GOSR2: variants seen among roughly 807,000 people sequenced by gnomAD.
GOSR2 encodes 27 kDa Golgi SNARE protein.
Under a neutral mutation model 27.9 loss-of-function variants are expected in GOSR2, and 20 were observed. The ratio of observed to expected loss-of-function variants is 0.72; its 90% confidence interval spans 0.50 to 1.04. The LOEUF (loss-of-function observed/expected upper bound fraction) is 1.04. Ranked by LOEUF, GOSR2 falls within the 50% of genes least tolerant of loss-of-function variation. GOSR2 has a pLI of 0.00. For synonymous variants in GOSR2, 91 were observed against 98.8 expected (o/e 0.92, Z 0.47); for missense variants, 261 against 270.5 (o/e 0.97, Z 0.25).
At position 46,939,663 on chromosome 17, in the gene GOSR2, C is replaced by T. The variant is rs912456841; in HGVS notation, c.*903C>T. On this transcript the variant is annotated 3_prime_UTR_variant, in exon 6 of 6. Coordinates refer to ENST00000640051, the MANE Select transcript of GOSR2 (RefSeq NM_004287.5). ...CCTTCTCTTCCCTGAAATATATTAG[C>T]ACCTGCCAGCCAGGCCCTCATTTTG... 8.1e-6 allele frequency: 8 copies of T among 985,498 alleles called. No individual in the cohort carries two copies. Among genetic ancestry groups the T allele is most frequent in the Admixed American group, 6.1e-5 (1 of 16,296 alleles). 61.0% of individuals were successfully genotyped at this position (985,498 alleles called of 1,614,324 possible).
rs929244962 is a variant in GOSR2 at position 46,939,147 on chromosome 17, C to T, written c.*387C>T. 89 of 1,116,808 alleles carry T rather than the reference C, an allele frequency of 8.0e-5. No individual in the cohort carries two copies. In the Admixed American group the frequency reaches 1.9e-3, roughly 24 times the overall value. The allele number at this position is 1,116,808 out of a possible 1,614,324, so 69.2% of individuals were successfully genotyped here. On this transcript the variant is annotated 3_prime_UTR_variant, in exon 6 of 6. Transcript: ENST00000640051. The stretch of plus-strand genomic sequence containing the variant: ...GGTTCACACCTTGTCACCATCAGGC[C>T]TTTCTGGCTCCTGATAGGGTGGAGC...
At chr17:46,956,699 G>A (rs2090739195) in intron 6 of GOSR2, among the ~76,000 whole-genome samples, 2 of 152,290 alleles carry the variant, frequency 1.3e-5, no homozygotes, top group South Asian at 4.1e-4. Context: ...CGCTGAGGGG[G>A]CGGCCATGTG....
intron 6 of GOSR2, among the ~76,000 whole-genome samples, chr17:46,947,770 G>GT (rs908590717): frequency 4.8e-4 from 73 of 151,666 alleles, no homozygotes; most frequent in Non-Finnish European, 4.7e-4. Context: ...ACTAGAAATA[G>GT]TTTTTTTTTC....
In GOSR2 at chr17:46,940,649, C is replaced by G; in HGVS notation, c.*1889C>G. The G allele has an allele frequency of 6.2e-7, 1 of 1,613,184 alleles. No individual in the cohort carries two copies. The highest frequency in any genetic ancestry group is 1.1e-5 in the South Asian group (1 of 91,066). On this transcript the variant is annotated 3_prime_UTR_variant, in exon 6 of 6. Coordinates refer to ENST00000640051, the MANE Select transcript of GOSR2 (RefSeq NM_004287.5). ...CTTGAACTCTGGGAGGCAGAAGTCC[C>G]CGCACCCATCATGCGTGGACTGATA...
intron 6 of GOSR2, among the ~76,000 whole-genome samples, chr17:46,950,671 A>T (rs62075889): frequency 0.44 from 66,370 of 151,890 alleles, 14,968 homozygotes; most frequent in East Asian, 0.55. Flanking sequence ...GGGCTGCCCC[A>T]CCATCCTGCC....
rs2088079257 is a variant in GOSR2 at position 46,935,120 on chromosome 17, A to T, written c.428A>T (p.Asp143Val). The T allele has an allele frequency of 6.2e-7, 1 of 1,614,018 alleles. No homozygotes were observed. The highest frequency in any genetic ancestry group is 8.5e-7 in the Non-Finnish European group (1 of 1,179,834). ...VHNGMDDLILDGHNILDGLRT... is the reference protein window; with the variant it reads ...VHNGMDDLILVGHNILDGLRT... Reference sequence around the variant, plus strand: ...AACGGCATGGATGACCTCATTTTAGATGGGCACAATATTTTAGATGGACTG... The same window carrying T: ...AACGGCATGGATGACCTCATTTTAGTTGGGCACAATATTTTAGATGGACTG... The change falls in exon 5 of 6, where the codon GAT becomes GTT. Residue 143 changes from aspartate (D) to valine (V), a missense_variant. Coordinates refer to ENST00000640051, the MANE Select transcript of GOSR2 (RefSeq NM_004287.5).
At chr17:46,953,460 GGGTTGGTTCCAGGTCTTTGCTATTGTGA>G (rs2090509126) in intron 6 of GOSR2, among the ~76,000 whole-genome samples, 1 of 152,164 alleles carries the variant, frequency 6.6e-6, no homozygotes, top group Non-Finnish European at 1.5e-5. Flanking sequence ...TTGGACATTT[GGGTTGGTTCCAGGTCTTTGCTATTGTGA>G]ATAGTGCCGC....
chr17:46,926,695 C>A (rs1462962857), intron 1 of GOSR2, among the ~76,000 whole-genome samples: 1 of 152,186 alleles, frequency 6.6e-6, no homozygotes, highest in Admixed American at 6.5e-5. Context: ...TTAGTAGTTC[C>A]CACCTTGCCA....
At position 46,934,779 on chromosome 17, in the gene GOSR2, C is replaced by T. The variant is rs191140526; in HGVS notation, c.337-250C>T. ...GAGATCATGATACAGAGACAAGTAT[C>T]GTTGGAATGAACGATACTTGTGGAG... On this transcript the variant is annotated intron_variant, in intron 4 of 5. Coordinates refer to ENST00000640051, the MANE Select transcript of GOSR2 (RefSeq NM_004287.5). Among the ~76,000 whole-genome samples the T allele has an allele frequency of 7.3e-4, 111 of 152,278 alleles. 1 individual carries two copies. Among genetic ancestry groups the T allele is most frequent in the African/African-American group, 2.6e-3 (109 of 41,562 alleles).
chr17:46,930,923 A>G, intron 2 of GOSR2, 176 bp from the exon 3 acceptor site: 4 of 617,430 alleles, frequency 6.5e-6, no homozygotes, highest in Non-Finnish European at 1.2e-5. Flanking sequence ...TTTTCAAAAC[A>G]ACATTTACGG....
Position 46,923,661 on chromosome 17 carries a change from A to T in GOSR2, c.29+440A>T, listed in dbSNP as rs535604907. On this transcript the variant is annotated intron_variant, in intron 1 of 5. Coordinates refer to ENST00000640051, the MANE Select transcript of GOSR2 (RefSeq NM_004287.5). ...CGTACGGGAAAGTATTTGTATTCTT[A>T]TTCGATTTATACTAAAGACCACATT... is the stretch of plus-strand genomic sequence containing the variant. 273 of 1,034,308 alleles carry T rather than the reference A, an allele frequency of 2.6e-4. No homozygotes were observed. The African/African-American group carries it at 4.1e-3, about 16-fold the overall frequency. 64.1% of individuals were successfully genotyped at this position (1,034,308 alleles called of 1,614,324 possible).
intron 6 of GOSR2, among the ~76,000 whole-genome samples, chr17:46,962,198 A>G (rs1599235214): frequency 6.6e-6 from 1 of 152,020 alleles, no homozygotes; most frequent in Admixed American, 6.6e-5. Context: ...GCGTGATGGC[A>G]TGCGCCTGTA....
chr17:46,946,461 CAAAAA>C (rs61284512), downstream of GOSR2, among the ~76,000 whole-genome samples: 3 of 98,990 alleles, frequency 3.0e-5, no homozygotes, highest in African/African-American at 4.2e-5. Context: ...AACTCCGTCT[CAAAAA>C]AAAAAAAAAA....
intron 4 of GOSR2, chr17:46,932,412 G>C: frequency 4.8e-6 from 3 of 619,566 alleles, no homozygotes; most frequent in Non-Finnish European, 8.5e-6. Flanking sequence ...AGAGGAAGCA[G>C]TTAAATTGAA....
At chr17:46,929,757 G>A in intron 2 of GOSR2, 173 bp downstream of exon 2, 4 of 606,174 alleles carry the variant, frequency 6.6e-6, no homozygotes, top group South Asian at 1.9e-5. Flanking sequence ...CCCTGAGTGT[G>A]CCCTTTGGAA....
intron 6 of GOSR2, among the ~76,000 whole-genome samples, chr17:46,949,813 T>A (rs1224796490): frequency 6.6e-6 from 1 of 151,858 alleles, no homozygotes; most frequent in African/African-American, 2.4e-5. Context: ...AGCAAAGGGG[T>A]GTGCTCTGGG....
intron 6 of GOSR2, chr17:46,949,349 T>G (rs9898981): frequency 0.45 from 67,884 of 151,842 alleles, 15,379 homozygotes; most frequent in South Asian, 0.52. Context: ...GTTCCAAGAG[T>G]GAGTATCCCA....
chr17:46,966,922 A>G (rs1196308808), exon 7 of GOSR2: 2 of 390,674 alleles, frequency 5.1e-6, no homozygotes, highest in African/African-American at 2.1e-5. Context: ...ATGAAATTTT[A>G]TTTGAATCTG....
chr17:46,935,310 C>T (rs1206774945), intron 5 of GOSR2, 141 bp downstream of exon 5: 3 of 1,536,028 alleles, frequency 2.0e-6, no homozygotes, highest in Non-Finnish European at 1.8e-6. Context: ...AGTTTGGGAT[C>T]CTTTCTGTTG....
Sources: allele counts gnomAD v4.1 joint callset (sites outside exome capture counted in the v4.1 genomes callset), GRCh38; gene constraint gnomAD v4.1.1; transcripts MANE v1.5; gene names NCBI Gene and HGNC (gene_info 2026-07-23, HGNC 2026-07-21).